The following HERPUD2 variants were observed in gnomAD, a reference collection of about 807,000 sequenced individuals.
The protein encoded by HERPUD2 is HERPUD family member 2.
In HERPUD2, 13 loss-of-function variants were observed where a neutral mutation model predicts 49.9. The ratio of observed to expected loss-of-function variants is 0.26; its 90% CI spans 0.17 to 0.41. The LOEUF is 0.41. Among genes scored for constraint, HERPUD2 ranks in the 10% least tolerant of loss-of-function variants. HERPUD2 has a pLI of 1.00. For missense variants in HERPUD2, 449 were observed against 492.2 expected, an observed-to-expected ratio of 0.91 and a Z score of 0.83; for synonymous variants, 172 against 171.4, an observed-to-expected ratio of 1.00 and a Z score of -0.03.
At chr7:35,646,877 C>T (rs1030593555) in intron 5 of HERPUD2, among the ~76,000 whole-genome samples, 4 of 151,574 alleles carry the variant, frequency 2.6e-5, no homozygotes, top group Non-Finnish European at 4.4e-5. Context: ...CTTTTCAGAT[C>T]GGCTATACTA....
chr7:35,637,702 T>C (rs1784893901), intron 6 of HERPUD2, among the ~76,000 whole-genome samples: 1 of 152,104 alleles, frequency 6.6e-6, no homozygotes, highest in South Asian at 2.1e-4. Context: ...CTATGAGTGC[T>C]GAGAAGCACG....
intron 2 of HERPUD2, among the ~76,000 whole-genome samples, chr7:35,680,386 G>C (rs1298345726): frequency 1.3e-5 from 2 of 151,970 alleles, no homozygotes; most frequent in African/African-American, 4.8e-5. Context: ...CTCTAGCCTG[G>C]GTGACAGAGG....
At chr7:35,643,193 G>A (rs903714932) in intron 5 of HERPUD2, among the ~76,000 whole-genome samples, 3 of 151,958 alleles carry the variant, frequency 2.0e-5, no homozygotes, top group African/African-American at 4.8e-5. Context: ...AGCACTTATC[G>A]CCACGTTGAA....
At chr7:35,674,452 GAGAGAGAGAGA>G (rs1785716721) in intron 2 of HERPUD2, among the ~76,000 whole-genome samples, 7 of 124,304 alleles carry the variant, frequency 5.6e-5, no homozygotes, top group African/African-American at 2.1e-4. Context: ...GAGAGAGAGA[GAGAGAGAGAGA>G]GGAGCACTGT....
Position 35,633,689 on chromosome 7 carries a change from G to A in HERPUD2, c.*1C>T. On this transcript the variant is annotated 3_prime_UTR_variant, in exon 9 of 9. Coordinates refer to ENST00000311350, the MANE Select transcript of HERPUD2 (RefSeq NM_022373.5). The stretch of plus-strand genomic sequence containing the variant: ...CCTTGTAGCTGGCACAGTTTTTCAG[G>A]TCAATTGGCAACCTGGGGAGGCCCC... 1 of 1,612,020 alleles carries A rather than the reference G, an allele frequency of 6.2e-7. No homozygotes were observed. The highest frequency in any genetic ancestry group is 8.5e-7 in the Non-Finnish European group (1 of 1,179,072).
At chr7:35,670,185 T>C in intron 4 of HERPUD2, 30 bp downstream of exon 4, 1 of 1,130,356 alleles carries the variant, frequency 8.8e-7, no homozygotes, top group South Asian at 1.6e-5. Flanking sequence ...AAAGAAAAGT[T>C]CAATGTTTAC....
chr7:35,635,496 A>C, intron 6 of HERPUD2, 38 bp from the exon 7 acceptor site: 3 of 1,536,690 alleles, frequency 2.0e-6, no homozygotes, highest in Non-Finnish European at 2.6e-6. Flanking sequence ...AAAAGAAAAA[A>C]AAACTTTACC....
intron 5 of HERPUD2, among the ~76,000 whole-genome samples, chr7:35,649,413 G>A (rs541107085): frequency 3.3e-5 from 5 of 152,172 alleles, no homozygotes; most frequent in Admixed American, 2.0e-4. Context: ...GTTAGTAATC[G>A]TTGTCAACAA....
At chr7:35,674,702 G>A (rs1185078883) in intron 2 of HERPUD2, among the ~76,000 whole-genome samples, 10 of 151,338 alleles carry the variant, frequency 6.6e-5, no homozygotes, top group African/African-American at 2.4e-4. Context: ...GTGGCTTAAG[G>A]TTGAGTTGAC....
chr7:35,633,090 C>T lies in HERPUD2; in HGVS notation c.*600G>A, dbSNP rs1240217917. On this transcript the variant is annotated 3_prime_UTR_variant, in exon 9 of 9. Transcript: ENST00000311350. Reference sequence around the variant, plus strand: ...GCTCTTTTTTTTTTTTTTCTGAGACCGAGTCTCACTCTGTCGCCCAGGGTG... The same window carrying T: ...GCTCTTTTTTTTTTTTTTCTGAGACTGAGTCTCACTCTGTCGCCCAGGGTG... 4 of 149,536 alleles carry T rather than the reference C, an allele frequency of 2.7e-5. No homozygotes were observed. The highest frequency in any genetic ancestry group is 6.7e-5 in the Admixed American group (1 of 14,996). The allele number at this position is 149,536 out of a possible 1,614,324, so 9.3% of individuals were successfully genotyped here.
At chr7:35,663,039 A>G (rs539369606) in intron 5 of HERPUD2, among the ~76,000 whole-genome samples, 1 of 152,282 alleles carries the variant, frequency 6.6e-6, no homozygotes, top group African/African-American at 2.4e-5. Flanking sequence ...ACACTGTATT[A>G]AATGTGTCCC....
intron 4 of HERPUD2, 33 bp downstream of exon 4, chr7:35,670,182 A>G: frequency 9.3e-7 from 1 of 1,076,220 alleles, no homozygotes; most frequent in South Asian, 1.6e-5. Context: ...AAAAAAGAAA[A>G]GTTCAATGTT....
chr7:35,679,445 A>C (rs1466014532), intron 2 of HERPUD2, among the ~76,000 whole-genome samples: 1 of 152,204 alleles, frequency 6.6e-6, no homozygotes, highest in Non-Finnish European at 1.5e-5. Context: ...TAGCTAAGCA[A>C]GTCTGTCAGC....
At chr7:35,634,533 A>G in intron 7 of HERPUD2, 104 bp from the exon 8 acceptor site, 1 of 670,950 alleles carries the variant, frequency 1.5e-6, no homozygotes, top group Non-Finnish European at 2.5e-6. Context: ...GATTAAAACT[A>G]TAATAAATAA....
chr7:35,682,823 T>A, intron 2 of HERPUD2, among the ~76,000 whole-genome samples: 5 of 121,800 alleles, frequency 4.1e-5, no homozygotes, highest in Admixed American at 8.4e-5. Flanking sequence ...TTACAACAGC[T>A]GCAAAAAAAA....
At chr7:35,693,367 A>C (rs1181207009) in intron 2 of HERPUD2, among the ~76,000 whole-genome samples, 1 of 152,216 alleles carries the variant, frequency 6.6e-6, no homozygotes, top group East Asian at 1.9e-4. Flanking sequence ...TCTACAACTT[A>C]TAATTCTTTG....
intron 5 of HERPUD2, among the ~76,000 whole-genome samples, chr7:35,644,739 C>G (rs548167977): frequency 4.0e-4 from 61 of 152,194 alleles, no homozygotes; most frequent in Non-Finnish European, 7.2e-4. Context: ...TGCACTCTAG[C>G]CTGGGGGAAA....
intron 3 of HERPUD2, among the ~76,000 whole-genome samples, chr7:35,672,080 T>A (rs1375535850): frequency 1.3e-5 from 2 of 151,942 alleles, no homozygotes; most frequent in Non-Finnish European, 2.9e-5. Flanking sequence ...AACCCTAACA[T>A]AAACTACTGA....
intron 5 of HERPUD2, among the ~76,000 whole-genome samples, chr7:35,657,482 T>C (rs547153310): frequency 6.6e-6 from 1 of 150,926 alleles, no homozygotes; most frequent in East Asian, 2.0e-4. Flanking sequence ...ACAGTTTGGG[T>C]GTGGTAGCTC....
Sources: allele counts gnomAD v4.1 joint callset (sites outside exome capture counted in the v4.1 genomes callset), GRCh38; gene constraint gnomAD v4.1.1; transcripts MANE v1.5; gene names NCBI Gene and HGNC (gene_info 2026-07-23, HGNC 2026-07-21).